Variants in RSRC1 observed in about 807,000 individuals in gnomAD.
RSRC1 encodes the protein arginine and serine rich coiled-coil 1, also known as serine/Arginine-related protein 53.
In RSRC1, 39 loss-of-function variants were observed where a neutral mutation model predicts 49.1. The ratio of observed to expected loss-of-function variants is 0.79; its 90% CI spans 0.61 to 1.04. RSRC1 has a LOEUF of 1.04. RSRC1 is among the 50% of genes least tolerant of loss of function. The probability of loss-of-function intolerance (pLI) is 0.00; values close to 1 mark genes in which losing one functional copy is unlikely to be tolerated. For missense variants in RSRC1, 388 were observed against 402.4 expected, an observed-to-expected ratio of 0.96 and a Z score of 0.31; for synonymous variants, 143 against 130.8, an observed-to-expected ratio of 1.09 and a Z score of -0.63.
At chr3:158,528,250 A>G (rs1383996908) in intron 7 of RSRC1, among the ~76,000 whole-genome samples, 1 of 152,008 alleles carries the variant, frequency 6.6e-6, no homozygotes, top group East Asian at 1.9e-4. Flanking sequence ...AAAGAATAGC[A>G]TAATTGCATT....
chr3:158,374,730 A>G (rs1469340378), intron 6 of RSRC1, among the ~76,000 whole-genome samples: 1 of 150,984 alleles, frequency 6.6e-6, no homozygotes, highest in Non-Finnish European at 1.5e-5. Flanking sequence ...CCAATGATGT[A>G]TTATATATGC....
At chr3:158,306,083 C>T (rs1284597623) in intron 5 of RSRC1, among the ~76,000 whole-genome samples, 1 of 151,868 alleles carries the variant, frequency 6.6e-6, no homozygotes, top group Admixed American at 6.6e-5. Flanking sequence ...TATCCTTACC[C>T]TTTTAAAAAC....
At chr3:158,148,230 A>G (rs1717280577) in intron 3 of RSRC1, among the ~76,000 whole-genome samples, 1 of 152,090 alleles carries the variant, frequency 6.6e-6, no homozygotes, top group Non-Finnish European at 1.5e-5. Context: ...GGTGCATGTA[A>G]GACTATTGGT....
intron 6 of RSRC1, among the ~76,000 whole-genome samples, chr3:158,413,597 G>C (rs1002456688): frequency 6.6e-5 from 10 of 151,612 alleles, no homozygotes; most frequent in Non-Finnish European, 1.3e-4. Flanking sequence ...CCATCTGACA[G>C]AGGTCTAATA....
chr3:158,483,907 G>A (rs1049137218), intron 7 of RSRC1, among the ~76,000 whole-genome samples: 9 of 152,030 alleles, frequency 5.9e-5, no homozygotes, highest in Non-Finnish European at 1.2e-4. Context: ...AAAGCAGCAT[G>A]AGTAGATTTA....
At chr3:158,305,228 G>A (rs79780931) in intron 5 of RSRC1, among the ~76,000 whole-genome samples, 7,557 of 151,968 alleles carry the variant, frequency 0.05, 219 homozygotes, top group East Asian at 0.09. Flanking sequence ...TTTTAAAATG[G>A]AGGGGAAATG....
At chr3:158,482,332 A>G (rs1738642776) in intron 7 of RSRC1, among the ~76,000 whole-genome samples, 1 of 152,088 alleles carries the variant, frequency 6.6e-6, no homozygotes, top group Non-Finnish European at 1.5e-5. Flanking sequence ...ATATTTTAAT[A>G]TGATTATGTT....
intron 7 of RSRC1, among the ~76,000 whole-genome samples, chr3:158,480,512 T>C (rs1177616086): frequency 1.3e-5 from 2 of 152,076 alleles, no homozygotes; most frequent in African/African-American, 2.4e-5. Context: ...ATTTGGTTTT[T>C]TCTAATTTTT....
chr3:158,418,810 T>A (rs1734885479), intron 6 of RSRC1, among the ~76,000 whole-genome samples: 1 of 151,992 alleles, frequency 6.6e-6, no homozygotes, highest in Non-Finnish European at 1.5e-5. Flanking sequence ...AAATTCTTGG[T>A]AGTGTTGCTG....
At chr3:158,237,538 G>A (rs1723310472) in intron 4 of RSRC1, among the ~76,000 whole-genome samples, 1 of 152,186 alleles carries the variant, frequency 6.6e-6, no homozygotes, top group African/African-American at 2.4e-5. Flanking sequence ...TAATGGATTT[G>A]AAGTGGTATT....
intron 5 of RSRC1, among the ~76,000 whole-genome samples, chr3:158,348,808 T>C (rs1730706912): frequency 6.6e-6 from 1 of 152,148 alleles, no homozygotes. Context: ...TTTGTGTAGC[T>C]TGGCTTTCAC....
At chr3:158,242,142 A>G (rs879010153) in intron 4 of RSRC1, among the ~76,000 whole-genome samples, 1 of 139,324 alleles carries the variant, frequency 7.2e-6, no homozygotes, top group South Asian at 2.2e-4. Flanking sequence ...AGATCATCTC[A>G]TCACTTAGGT....
At chr3:158,263,033 G>T (rs1724985989) in intron 4 of RSRC1, among the ~76,000 whole-genome samples, 1 of 151,706 alleles carries the variant, frequency 6.6e-6, no homozygotes, top group Non-Finnish European at 1.5e-5. Context: ...TTTTTTCCTT[G>T]CCTGATTGCT....
intron 6 of RSRC1, among the ~76,000 whole-genome samples, chr3:158,435,242 A>G (rs2108363014): frequency 1.3e-5 from 2 of 151,906 alleles, no homozygotes; most frequent in South Asian, 4.1e-4. Context: ...AATACTACAC[A>G]AGCATTCTGC....
intron 5 of RSRC1, among the ~76,000 whole-genome samples, chr3:158,348,585 T>G (rs1353770015): frequency 1.7e-5 from 1 of 59,066 alleles, no homozygotes; most frequent in Non-Finnish European, 4.3e-5. Flanking sequence ...AATTATTTTA[T>G]TTTTTTTTAT....
intron 6 of RSRC1, among the ~76,000 whole-genome samples, chr3:158,426,019 A>G (rs1307188195): frequency 6.6e-6 from 1 of 151,728 alleles, no homozygotes; most frequent in Non-Finnish European, 1.5e-5. Context: ...GTTATTACAT[A>G]TAAGTGAGGG....
chr3:158,352,180 G>A (rs1181962169), intron 5 of RSRC1, among the ~76,000 whole-genome samples: 2 of 151,946 alleles, frequency 1.3e-5, no homozygotes, highest in South Asian at 2.1e-4. Context: ...GCTGAGGCAG[G>A]AAGATTACTT....
chr3:158,441,731 C>A (rs909316350), intron 6 of RSRC1, among the ~76,000 whole-genome samples: 9 of 152,094 alleles, frequency 5.9e-5, no homozygotes, highest in African/African-American at 2.2e-4. Context: ...TCTGATAACA[C>A]AACTTCAGGA....
At chr3:158,472,394 T>C (rs1051305206) in intron 7 of RSRC1, among the ~76,000 whole-genome samples, 22 of 152,150 alleles carry the variant, frequency 1.4e-4, no homozygotes, top group African/African-American at 5.3e-4. Flanking sequence ...TATTGTACTT[T>C]GCAGTCGAGT....
Sources: gnomAD v4.1 joint callset for allele counts (sites outside exome capture counted in the v4.1 genomes callset) on GRCh38, gnomAD v4.1.1 for gene constraint, MANE v1.5 for transcripts, NCBI Gene and HGNC (gene_info 2026-07-23, HGNC 2026-07-21) for gene names.